Variants in PPM1L observed in about 807,000 individuals in gnomAD.
PPM1L encodes the protein protein phosphatase, Mg2+/Mn2+ dependent 1L, also known as protein phosphatase 1L.
In PPM1L, 13 loss-of-function variants were observed where a neutral mutation model predicts 31.4. That is an observed-to-expected ratio of 0.41 (90% confidence interval 0.27 to 0.66). The LOEUF is 0.66. PPM1L is among the 30% of genes least tolerant of loss of function. The probability of loss-of-function intolerance (pLI) is 0.29; values close to 1 mark genes in which losing one functional copy is unlikely to be tolerated. For missense variants in PPM1L, 326 were observed against 453.7 expected (o/e 0.72, Z 2.56); for synonymous variants, 184 against 175.4 (o/e 1.05, Z -0.39).
chr3:161,042,745 G>A (rs1207130129), intron 2 of PPM1L, among the ~76,000 whole-genome samples: 2 of 152,100 alleles, frequency 1.3e-5, no homozygotes, highest in Admixed American at 1.3e-4. Flanking sequence ...TTTTGGCCAG[G>A]CACCGTGGCT....
intron 1 of PPM1L, among the ~76,000 whole-genome samples, chr3:160,774,988 G>A (rs138462267): frequency 1.3e-5 from 2 of 152,316 alleles, no homozygotes; most frequent in East Asian, 1.9e-4. Flanking sequence ...ATACCAAGCT[G>A]TCTGATTGCA....
chr3:160,963,771 A>G (rs534585336), intron 2 of PPM1L, among the ~76,000 whole-genome samples: 7 of 151,606 alleles, frequency 4.6e-5, no homozygotes, highest in Non-Finnish European at 1.0e-4. Flanking sequence ...ATAATTTTCC[A>G]CTCTCCTGCA....
chr3:160,814,609 A>G (rs1712925500), intron 1 of PPM1L, among the ~76,000 whole-genome samples: 1 of 149,760 alleles, frequency 6.7e-6, no homozygotes, highest in African/African-American at 2.5e-5. Flanking sequence ...GTATGTGTAT[A>G]TATATACACA....
chr3:160,967,809 A>G (rs534695081), intron 2 of PPM1L, among the ~76,000 whole-genome samples: 4 of 152,202 alleles, frequency 2.6e-5, no homozygotes, highest in African/African-American at 9.6e-5. Context: ...ACTGCCAACC[A>G]TATACGTGAC....
chr3:161,042,323 CTGAA>C (rs1718936322), intron 2 of PPM1L, among the ~76,000 whole-genome samples: 1 of 152,226 alleles, frequency 6.6e-6, no homozygotes, highest in African/African-American at 2.4e-5. Flanking sequence ...TAAATGCCTG[CTGAA>C]TGAATGAATA....
At chr3:160,944,952 A>ATGT (rs1715329244) in intron 1 of PPM1L, among the ~76,000 whole-genome samples, 1 of 57,646 alleles carries the variant, frequency 1.7e-5, no homozygotes, top group African/African-American at 6.7e-5. Flanking sequence ...ATAACTATAT[A>ATGT]TAACTATATA....
chr3:160,890,445 C>T (rs1713098192), intron 1 of PPM1L, among the ~76,000 whole-genome samples: 1 of 151,980 alleles, frequency 6.6e-6, no homozygotes. Flanking sequence ...TGAAGGACCT[C>T]TTCAAAATAC....
At chr3:161,027,883 A>G (rs1327233087) in intron 2 of PPM1L, among the ~76,000 whole-genome samples, 2 of 152,266 alleles carry the variant, frequency 1.3e-5, no homozygotes, top group African/African-American at 4.8e-5. Context: ...GAAACTGAAT[A>G]AAACCTAACC....
intron 1 of PPM1L, among the ~76,000 whole-genome samples, chr3:160,899,171 T>G (rs1050873626): frequency 2.0e-5 from 3 of 152,116 alleles, no homozygotes; most frequent in Admixed American, 2.0e-4. Flanking sequence ...ATCACACAGG[T>G]AGAAAATGGC....
At chr3:161,017,527 T>C (rs1718119909) in intron 2 of PPM1L, among the ~76,000 whole-genome samples, 1 of 152,208 alleles carries the variant, frequency 6.6e-6, no homozygotes, top group Non-Finnish European at 1.5e-5. Flanking sequence ...CACAGTGTTC[T>C]ATTTTCTGAA....
intron 2 of PPM1L, among the ~76,000 whole-genome samples, chr3:160,979,589 A>C (rs1716727137): frequency 6.6e-6 from 1 of 152,074 alleles, no homozygotes; most frequent in South Asian, 2.1e-4. Context: ...ATGACCTGCT[A>C]TATGTAAAAA....
intron 2 of PPM1L, among the ~76,000 whole-genome samples, chr3:161,012,096 C>T (rs528099951): frequency 6.6e-6 from 1 of 152,146 alleles, no homozygotes; most frequent in Non-Finnish European, 1.5e-5. Flanking sequence ...GTCTTCTGCC[C>T]GTTTTCAAAG....
intron 1 of PPM1L, among the ~76,000 whole-genome samples, chr3:160,814,637 G>GTATATA: frequency 6.8e-6 from 1 of 148,112 alleles, no homozygotes; most frequent in Non-Finnish European, 1.5e-5. Context: ...GTATGTATGT[G>GTATATA]TATATATATG....
At chr3:160,776,246 G>A (rs1226300712) in intron 1 of PPM1L, among the ~76,000 whole-genome samples, 1 of 152,164 alleles carries the variant, frequency 6.6e-6, no homozygotes, top group Non-Finnish European at 1.5e-5. Flanking sequence ...GAGTAACTGA[G>A]TTCTTAACAA....
chr3:161,031,754 A>G (rs1220879411), intron 2 of PPM1L, among the ~76,000 whole-genome samples: 2 of 152,132 alleles, frequency 1.3e-5, no homozygotes, highest in East Asian at 3.9e-4. Context: ...GATCCACCTC[A>G]GCCTCCCAAC....
At chr3:160,782,739 A>G (rs1214011395) in intron 1 of PPM1L, among the ~76,000 whole-genome samples, 1 of 152,224 alleles carries the variant, frequency 6.6e-6, no homozygotes, top group East Asian at 1.9e-4. Flanking sequence ...AAAATTTTAA[A>G]AAATACATAG....
At chr3:160,844,195 G>A (rs75991542) in intron 1 of PPM1L, among the ~76,000 whole-genome samples, 4,642 of 152,284 alleles carry the variant, frequency 0.03, 221 homozygotes, top group African/African-American at 0.11. Context: ...CTTAAAGCAA[G>A]TTCTTTTCTC....
At chr3:161,009,368 TTAAAA>T (rs1395194631) in intron 2 of PPM1L, among the ~76,000 whole-genome samples, 3 of 152,238 alleles carry the variant, frequency 2.0e-5, no homozygotes, top group East Asian at 1.9e-4. Flanking sequence ...ATATGAATAG[TTAAAA>T]TAAGGTAATT....
At chr3:160,998,953 CAAAAA>C (rs952537356) in intron 2 of PPM1L, among the ~76,000 whole-genome samples, 4 of 151,506 alleles carry the variant, frequency 2.6e-5, no homozygotes, top group African/African-American at 9.7e-5. Context: ...GAATCTTAAA[CAAAAA>C]AAGAAAAGAA....
Sources: allele counts gnomAD v4.1 joint callset (sites outside exome capture counted in the v4.1 genomes callset), GRCh38; gene constraint gnomAD v4.1.1; transcripts MANE v1.5; gene names NCBI Gene and HGNC (gene_info 2026-07-23, HGNC 2026-07-21).